The following NCAM1 variants were observed in gnomAD, a reference collection of about 807,000 sequenced individuals.
NCAM1 encodes antigen recognized by monoclonal antibody 5.1H11.
In NCAM1, 14 loss-of-function variants were observed where a neutral mutation model predicts 109.8. That is an observed-to-expected ratio of 0.13 (90% CI 0.08 to 0.20). The LOEUF (loss-of-function observed/expected upper bound fraction) is 0.20. Ranked by LOEUF, NCAM1 falls within the 10% of genes least tolerant of loss-of-function variation. The pLI is 1.00. For synonymous variants in NCAM1, 418 were observed against 442.9 expected, an observed-to-expected ratio of 0.94 and a Z score of 0.70; for missense variants, 774 against 1,109.9, an observed-to-expected ratio of 0.70 and a Z score of 4.30.
intron 1 of NCAM1, among the ~76,000 whole-genome samples, chr11:113,009,312 G>GTTTTTTTGTTGTTGTTTTTTTTTTTTTT (rs1555073910): frequency 6.5e-4 from 52 of 79,684 alleles, no homozygotes; most frequent in East Asian, 2.1e-3. Context: ...GTTTTTTCGG[G>GTTTTTTTGTTGTTGTTTTTTTTTTTTTT]TTTTTTTTTT....
chr11:113,275,239 G>A (rs1372089495), intron 19 of NCAM1, 28 bp from the exon 20 acceptor site: 2 of 1,612,824 alleles, frequency 1.2e-6, no homozygotes, highest in Non-Finnish European at 1.7e-6. Flanking sequence ...CGTGGTCTCA[G>A]TGGTTCTGTT....
intron 1 of NCAM1, among the ~76,000 whole-genome samples, chr11:113,187,358 C>T (rs1208803224): frequency 1.3e-5 from 2 of 152,150 alleles, no homozygotes; most frequent in Non-Finnish European, 2.9e-5. Context: ...AGGTACAGGA[C>T]ACAGAGGGTA....
intron 1 of NCAM1, among the ~76,000 whole-genome samples, chr11:113,164,663 G>A (rs1474324419): frequency 6.6e-6 from 1 of 152,128 alleles, no homozygotes; most frequent in Non-Finnish European, 1.5e-5. Context: ...AGGTACTCAG[G>A]GCAAGGTGTG....
chr11:113,237,276 A>G (rs1237195375), intron 14 of NCAM1, among the ~76,000 whole-genome samples: 16 of 152,214 alleles, frequency 1.1e-4, no homozygotes, highest in Admixed American at 3.3e-4. Flanking sequence ...GCAGACACAG[A>G]AAAAAAGGTA....
At chr11:113,028,640 A>C (rs1952629496) in intron 1 of NCAM1, among the ~76,000 whole-genome samples, 1 of 152,208 alleles carries the variant, frequency 6.6e-6, no homozygotes, top group Non-Finnish European at 1.5e-5. Context: ...TATCTAGTGA[A>C]TCAAACAGTG....
At chr11:113,054,783 C>T (rs978065717) in intron 1 of NCAM1, among the ~76,000 whole-genome samples, 1 of 152,034 alleles carries the variant, frequency 6.6e-6, no homozygotes, top group Non-Finnish European at 1.5e-5. Flanking sequence ...GCTTGAAAGG[C>T]ATTTGGGGCC....
chr11:113,202,380 T>G lies in NCAM1; in HGVS notation c.54T>G (p.Val18=), dbSNP rs782696265. Residue 18 remains valine, a splice_region_variant and synonymous_variant, in exon 2 of 20, where the codon GTT becomes GTG. Transcript: ENST00000316851. ...IWTLFFLGTA[V]SLQVDIVPSQ... ...TTTTGTTTTGTTTTGTTTTTTCAGT[T>G]TCTCTGCAGGTGGATATTGTTCCCA... The G allele has an allele frequency of 1.9e-5, 30 of 1,612,126 alleles. No homozygotes were observed. Among genetic ancestry groups the G allele is most frequent in the Non-Finnish European group, 2.4e-5 (28 of 1,179,450 alleles).
intron 1 of NCAM1, among the ~76,000 whole-genome samples, chr11:113,012,350 A>G (rs528113076): frequency 1.3e-5 from 2 of 152,216 alleles, no homozygotes; most frequent in African/African-American, 4.8e-5. Context: ...CATTATTGGG[A>G]AAAATTTCTG....
chr11:113,192,634 G>A (rs1487655147), intron 1 of NCAM1, among the ~76,000 whole-genome samples: 1 of 152,186 alleles, frequency 6.6e-6, no homozygotes, highest in Non-Finnish European at 1.5e-5. Context: ...CCGGGACAGA[G>A]CAGGCAAAGA....
chr11:112,994,887 T>G (rs576703235), intron 1 of NCAM1, among the ~76,000 whole-genome samples: 1 of 152,122 alleles, frequency 6.6e-6, no homozygotes, highest in Non-Finnish European at 1.5e-5. Context: ...CTTGTGTGCT[T>G]GTATGTTATC....
At chr11:113,238,862 A>G (rs557596873) in intron 14 of NCAM1, among the ~76,000 whole-genome samples, 1 of 152,342 alleles carries the variant, frequency 6.6e-6, no homozygotes, top group Admixed American at 6.5e-5. Flanking sequence ...GAAGGCACAG[A>G]GTCAGCAGAG....
chr11:113,191,453 A>G (rs782081607), intron 1 of NCAM1, among the ~76,000 whole-genome samples: 1 of 152,172 alleles, frequency 6.6e-6, no homozygotes, highest in Non-Finnish European at 1.5e-5. Flanking sequence ...CTTCTTTTTC[A>G]TCAGAGTTAA....
chr11:113,205,815 C>A (rs1565498540), intron 4 of NCAM1, 149 bp downstream of exon 4: 1 of 1,205,692 alleles, frequency 8.3e-7, no homozygotes, highest in Non-Finnish European at 1.2e-6. Context: ...AGATGCATAT[C>A]TGAAGTTGGT....
intron 1 of NCAM1, among the ~76,000 whole-genome samples, chr11:113,167,001 G>A (rs975563234): frequency 1.3e-5 from 2 of 152,112 alleles, no homozygotes; most frequent in East Asian, 1.9e-4. Context: ...GGCTCTTTGG[G>A]ATTTGGTGTA....
intron 1 of NCAM1, among the ~76,000 whole-genome samples, chr11:112,981,169 C>A (rs1251761675): frequency 6.6e-6 from 1 of 151,700 alleles, no homozygotes; most frequent in Non-Finnish European, 1.5e-5. Context: ...TCATCTCCAC[C>A]ATTTTGATAG....
At chr11:113,270,135 G>A (rs782055548) in intron 17 of NCAM1, 53 bp from the exon 18 acceptor site, 22 of 1,573,936 alleles carry the variant, frequency 1.4e-5, no homozygotes, top group Non-Finnish European at 1.9e-5. Flanking sequence ...GGCAGGGTCT[G>A]GAGGTCTCGC....
intron 9 of NCAM1, chr11:113,231,417 C>A: frequency 9.6e-7 from 1 of 1,037,662 alleles, no homozygotes; most frequent in Non-Finnish European, 1.4e-6. Flanking sequence ...ATAACTGAGT[C>A]TCATTTTCTG....
chr11:113,213,133 A>G (rs1944434783), intron 7 of NCAM1, among the ~76,000 whole-genome samples: 1 of 152,258 alleles, frequency 6.6e-6, no homozygotes, highest in Non-Finnish European at 1.5e-5. Flanking sequence ...GAGAAGATAT[A>G]TAGGCAGTTG....
At chr11:113,031,191 T>TA (rs1161766053) in intron 1 of NCAM1, among the ~76,000 whole-genome samples, 2 of 152,220 alleles carry the variant, frequency 1.3e-5, no homozygotes, top group African/African-American at 4.8e-5. Context: ...TTTGATTAGT[T>TA]AAAATTGAAC....
Sources: allele counts gnomAD v4.1 joint callset (sites outside exome capture counted in the v4.1 genomes callset), GRCh38; gene constraint gnomAD v4.1.1; transcripts MANE v1.5; gene names NCBI Gene and HGNC (gene_info 2026-07-23, HGNC 2026-07-21).